LIMCH1: variants seen among roughly 807,000 people sequenced by gnomAD.
LIMCH1 encodes LIM and calponin homology domains 1.
In LIMCH1, 113 loss-of-function variants were observed where a neutral mutation model predicts 176.5. That is an observed-to-expected ratio of 0.64 (90% CI 0.55 to 0.75). The LOEUF is 0.75. Among genes scored for constraint, LIMCH1 ranks in the 30% least tolerant of loss-of-function variants. The probability of loss-of-function intolerance (pLI) is 0.00; values close to 1 mark genes in which losing one functional copy is unlikely to be tolerated. For synonymous variants in LIMCH1, 619 were observed against 645.9 expected, an observed-to-expected ratio of 0.96 and a Z score of 0.63; for missense variants, 1,674 against 1,814.9, an observed-to-expected ratio of 0.92 and a Z score of 1.41.
At chr4:41,455,649 AC>A (rs750770434) in intron 1 of LIMCH1, among the ~76,000 whole-genome samples, 109 of 152,282 alleles carry the variant, frequency 7.2e-4, no homozygotes, top group Admixed American at 1.3e-3. Context: ...AAACAAAAAA[AC>A]CCAAATAAAA....
chr4:41,633,634 G>A lies in LIMCH1; in HGVS notation c.1916G>A (p.Gly639Glu), dbSNP rs1330333791. The A allele has an allele frequency of 1.3e-6, 2 of 1,536,040 alleles. No individual in the cohort carries two copies. The highest frequency in any genetic ancestry group is 1.7e-6 in the Non-Finnish European group (2 of 1,146,934). Residue 639 changes from glycine (G) to glutamate (E), a missense_variant, in exon 13 of 32, where the codon GGA (glycine) becomes GAA (glutamate). Coordinates refer to ENST00000503057, the MANE Select transcript of LIMCH1 (RefSeq NM_001330672.2). ...ACAGCTCCTGCCTGGAGTGGCAGTG[G>A]ACTGAAAGGCCAGCGAAAGTTGGAT... ...KMTAPAWSGS[G>E]LKGQRKLDDS...
At chr4:41,582,334 G>A (rs1262692521) in intron 1 of LIMCH1, among the ~76,000 whole-genome samples, 2 of 152,188 alleles carry the variant, frequency 1.3e-5, no homozygotes, top group Non-Finnish European at 2.9e-5. Flanking sequence ...ATGGAAGATG[G>A]TACTGAAGCT....
chr4:41,534,685 T>C (rs2077682830), upstream of LIMCH1, among the ~76,000 whole-genome samples: 1 of 151,340 alleles, frequency 6.6e-6, no homozygotes, highest in African/African-American at 2.4e-5. Context: ...TATGCTTCAG[T>C]ATAAATGAAG....
intron 1 of LIMCH1, among the ~76,000 whole-genome samples, chr4:41,462,582 A>G (rs542403240): frequency 9.1e-4 from 138 of 152,354 alleles, no homozygotes; most frequent in African/African-American, 3.3e-3. Flanking sequence ...GCTTTGAATC[A>G]CATAGAAAAG....
At chr4:41,684,122 G>A (rs921173184) in intron 26 of LIMCH1, among the ~76,000 whole-genome samples, 1 of 152,168 alleles carries the variant, frequency 6.6e-6, no homozygotes, top group African/African-American at 2.4e-5. Context: ...TGAACATCAG[G>A]TTAGCTCTGG....
At chr4:41,661,591 T>C in intron 19 of LIMCH1, 81 bp downstream of exon 19, 1 of 1,056,370 alleles carries the variant, frequency 9.5e-7, no homozygotes, top group South Asian at 1.4e-5. Flanking sequence ...GAATTTTTCC[T>C]ACTGAGCCAC....
chr4:41,680,442 G>A (rs934584110), intron 24 of LIMCH1, among the ~76,000 whole-genome samples: 3 of 152,142 alleles, frequency 2.0e-5, no homozygotes, highest in Non-Finnish European at 4.4e-5. Context: ...TGGTAATAGT[G>A]AATTAATTTT....
At chr4:41,442,785 C>T (rs2062839206) in intron 1 of LIMCH1, among the ~76,000 whole-genome samples, 1 of 152,222 alleles carries the variant, frequency 6.6e-6, no homozygotes, top group Admixed American at 6.5e-5. Flanking sequence ...ACATCTCCTA[C>T]CCCTTCCTCC....
At chr4:41,633,455 C>A in intron 12 of LIMCH1, 93 bp from the exon 13 acceptor site, 1 of 1,444,586 alleles carries the variant, frequency 6.9e-7, no homozygotes, top group East Asian at 2.5e-5. Flanking sequence ...ATGCTGGCTT[C>A]TTCTGTCTTG....
Position 41,697,340 on chromosome 4 carries a change from G to A in LIMCH1, c.*155G>A. On this transcript the variant is annotated 3_prime_UTR_variant, in exon 32 of 32. Transcript: ENST00000503057. The stretch of plus-strand genomic sequence containing the variant: ...GTGGTATCTGTTCTTTCGTAGCACA[G>A]TGTTTATGTTTTTCCTGTTTATTGT... 2 of 572,972 alleles carry A rather than the reference G, an allele frequency of 3.5e-6. No homozygotes were observed. The highest frequency in any genetic ancestry group is 6.4e-5 in the Admixed American group (2 of 31,382). 35.5% of individuals were successfully genotyped at this position (572,972 alleles called of 1,614,324 possible).
chr4:41,422,692 T>G (rs1421946082), intron 1 of LIMCH1, among the ~76,000 whole-genome samples: 3 of 152,206 alleles, frequency 2.0e-5, no homozygotes, highest in Admixed American at 2.0e-4. Context: ...GTTTAGCTTG[T>G]GTGGCCAGAT....
intron 13 of LIMCH1, among the ~76,000 whole-genome samples, chr4:41,636,852 G>C (rs2093615078): frequency 6.6e-6 from 1 of 152,172 alleles, no homozygotes; most frequent in South Asian, 2.1e-4. Context: ...ATTTGAGTCT[G>C]TTTACGTAGT....
chr4:41,456,503 T>G (rs1428143746), intron 1 of LIMCH1, among the ~76,000 whole-genome samples: 1 of 152,182 alleles, frequency 6.6e-6, no homozygotes, highest in Non-Finnish European at 1.5e-5. Context: ...CTGTATGCCC[T>G]TGACCATCTT....
intron 1 of LIMCH1, among the ~76,000 whole-genome samples, chr4:41,421,671 T>A (rs1393405643): frequency 6.6e-6 from 1 of 152,112 alleles, no homozygotes; most frequent in Non-Finnish European, 1.5e-5. Context: ...TTATAAGCAA[T>A]GTAAAAAGCA....
chr4:41,413,681 T>C (rs1283614306), intron 1 of LIMCH1, among the ~76,000 whole-genome samples: 1 of 152,140 alleles, frequency 6.6e-6, no homozygotes, highest in Non-Finnish European at 1.5e-5. Context: ...CCAAGAGAAA[T>C]GGCAAGATGT....
At chr4:41,522,648 T>C (rs1457617057) in intron 2 of LIMCH1, among the ~76,000 whole-genome samples, 1 of 152,180 alleles carries the variant, frequency 6.6e-6, no homozygotes, top group Non-Finnish European at 1.5e-5. Context: ...TCTGTGTATT[T>C]TAAACCAGAA....
At chr4:41,687,772 G>A in intron 28 of LIMCH1, 68 bp from the exon 29 acceptor site, 2 of 892,916 alleles carry the variant, frequency 2.2e-6, no homozygotes, top group Non-Finnish European at 3.5e-6. Context: ...AATCTAAAAT[G>A]TCTTTTTTTA....
At chr4:41,397,550 A>G (rs944555564) in intron 1 of LIMCH1, among the ~76,000 whole-genome samples, 5 of 152,180 alleles carry the variant, frequency 3.3e-5, no homozygotes, top group African/African-American at 1.2e-4. Flanking sequence ...GAATGTAGTG[A>G]CATTAAGTTG....
chr4:41,682,356 T>A lies in LIMCH1; in HGVS notation c.3741T>A (p.Cys1247Ter). 1.2e-6 allele frequency: 2 copies of A among 1,612,132 alleles called. No individual in the cohort carries two copies. The highest frequency in any genetic ancestry group is 1.7e-6 in the Non-Finnish European group (2 of 1,178,530). The stretch of plus-strand genomic sequence containing the variant: ...AGAATAAGATAGACCTGGGAAACTG[T>A]CAAGATGAAAAACAAGACAGAAGAT... ...GTMNKIDLGNCQDEKQDRRWK... is the reference protein window; with the variant it reads ...GTMNKIDLGN The change falls in exon 26 of 32, where the codon TGT becomes TGA. Residue 1247 changes from cysteine to a stop codon, truncating the protein, a stop_gained. Coordinates refer to ENST00000503057, the MANE Select transcript of LIMCH1 (RefSeq NM_001330672.2). LOFTEE classifies it high-confidence loss of function.
Sources: gnomAD v4.1 joint callset for allele counts (sites outside exome capture counted in the v4.1 genomes callset) on GRCh38, gnomAD v4.1.1 for gene constraint, MANE v1.5 for transcripts, NCBI Gene and HGNC (gene_info 2026-07-23, HGNC 2026-07-21) for gene names.